The following HECW1 variants were observed in gnomAD, a reference collection of about 807,000 sequenced individuals.
The protein encoded by HECW1 is E3 ubiquitin-protein ligase HECW1.
A neutral mutation model predicts 182.3 loss-of-function variants in HECW1; 61 were observed. The observed-to-expected ratio is 0.33, with a 90% CI of 0.27 to 0.41. HECW1 has a LOEUF of 0.41. HECW1 is among the 10% of genes least tolerant of loss of function. The pLI, the probability that HECW1 is intolerant of heterozygous loss-of-function variation, is 1.00. For missense variants in HECW1, 1,739 were observed against 2,108.9 expected (o/e 0.82, Z 3.44); for synonymous variants, 859 against 832.6 (o/e 1.03, Z -0.55).
At chr7:43,117,049 T>C (rs1785110261) in intron 2 of HECW1, among the ~76,000 whole-genome samples, 2 of 152,242 alleles carry the variant, frequency 1.3e-5, no homozygotes, top group Non-Finnish European at 2.9e-5. Context: ...AACTATTCTT[T>C]ATACATTTCT....
chr7:43,360,822 G>A, intron 5 of HECW1, 64 bp from the exon 6 acceptor site: 5 of 1,179,556 alleles, frequency 4.2e-6, no homozygotes, highest in Non-Finnish European at 6.4e-6. Flanking sequence ...GTCCTCTGTG[G>A]CCATAGCTGT....
chr7:43,273,802 G>T (rs1222217540), intron 3 of HECW1, among the ~76,000 whole-genome samples: 1 of 151,534 alleles, frequency 6.6e-6, no homozygotes, highest in African/African-American at 2.4e-5. Flanking sequence ...TTACAACAAC[G>T]GTGGATAATT....
At chr7:43,428,826 A>G (rs2076440972) in intron 8 of HECW1, among the ~76,000 whole-genome samples, 2 of 152,178 alleles carry the variant, frequency 1.3e-5, no homozygotes, top group South Asian at 4.1e-4. Context: ...CAGTCTGTTC[A>G]TCCAATCCTA....
chr7:43,251,396 G>A (rs993247463), intron 3 of HECW1, among the ~76,000 whole-genome samples: 5 of 152,020 alleles, frequency 3.3e-5, no homozygotes, highest in Admixed American at 2.0e-4. Flanking sequence ...TGCAACTTCC[G>A]CCTCCCAGGT....
intron 6 of HECW1, among the ~76,000 whole-genome samples, chr7:43,375,210 C>T (rs139840356): frequency 5.9e-5 from 9 of 152,044 alleles, no homozygotes; most frequent in East Asian, 1.9e-4. Flanking sequence ...AACTGTCGGA[C>T]GCCTGGAAAA....
chr7:43,470,450 G>A (rs950350982), intron 16 of HECW1, among the ~76,000 whole-genome samples: 6 of 152,198 alleles, frequency 3.9e-5, no homozygotes, highest in African/African-American at 1.2e-4. Flanking sequence ...ATGACAGGGA[G>A]CACAGTGGAA....
intron 8 of HECW1, among the ~76,000 whole-genome samples, chr7:43,408,966 C>A (rs967003343): frequency 6.6e-6 from 1 of 152,192 alleles, no homozygotes; most frequent in African/African-American, 2.4e-5. Flanking sequence ...TTGATGGAAA[C>A]GTGCTCCCAC....
At chr7:43,547,440 G>A (rs755237981) in intron 26 of HECW1, among the ~76,000 whole-genome samples, 18 of 151,972 alleles carry the variant, frequency 1.2e-4, no homozygotes, top group African/African-American at 1.7e-4. Flanking sequence ...TCAGCTACTC[G>A]GGAGGCTGAG....
At chr7:43,380,421 A>G (rs1297298616) in intron 6 of HECW1, among the ~76,000 whole-genome samples, 1 of 151,980 alleles carries the variant, frequency 6.6e-6, no homozygotes, top group African/African-American at 2.4e-5. Context: ...ATCGTGCTGT[A>G]GTTTTTCATT....
At chr7:43,430,976 T>C (rs2076531503) in intron 8 of HECW1, among the ~76,000 whole-genome samples, 1 of 151,926 alleles carries the variant, frequency 6.6e-6, no homozygotes, top group Non-Finnish European at 1.5e-5. Context: ...GAGAGGGGGT[T>C]TTCCCATGTT....
chr7:43,306,656 C>A (rs1417472217), intron 3 of HECW1, among the ~76,000 whole-genome samples: 1 of 152,012 alleles, frequency 6.6e-6, no homozygotes, highest in South Asian at 2.1e-4. Context: ...TATAGACATG[C>A]CTTTGTCTGC....
chr7:43,560,173 G>A (rs1585308473), intron 29 of HECW1, among the ~76,000 whole-genome samples: 1 of 152,178 alleles, frequency 6.6e-6, no homozygotes, highest in South Asian at 2.1e-4. Flanking sequence ...ATAGCCCAAT[G>A]TATGTTCTAG....
intron 3 of HECW1, among the ~76,000 whole-genome samples, chr7:43,302,464 G>C (rs1473876843): frequency 6.6e-6 from 1 of 152,222 alleles, no homozygotes; most frequent in Non-Finnish European, 1.5e-5. Flanking sequence ...GGCTTTTGGA[G>C]ACTGGACTGT....
intron 7 of HECW1, among the ~76,000 whole-genome samples, chr7:43,402,777 T>C (rs1049317552): frequency 6.6e-6 from 1 of 152,234 alleles, no homozygotes; most frequent in Non-Finnish European, 1.5e-5. Context: ...AAAGCAAGAT[T>C]GCTCATGCAA....
intron 5 of HECW1, among the ~76,000 whole-genome samples, chr7:43,350,632 T>C (rs2152805872): frequency 6.6e-6 from 1 of 152,356 alleles, no homozygotes; most frequent in East Asian, 1.9e-4. Flanking sequence ...TGAATTTCTT[T>C]CTTCTACTTG....
At chr7:43,480,637 GTACATA>G (rs1243636139) in intron 17 of HECW1, among the ~76,000 whole-genome samples, 12 of 150,708 alleles carry the variant, frequency 8.0e-5, no homozygotes, top group Non-Finnish European at 2.9e-5. Context: ...GTGTGTGTGT[GTACATA>G]TGTGTGTGTG....
At chr7:43,149,024 A>G (rs1048578017) in intron 2 of HECW1, among the ~76,000 whole-genome samples, 2 of 152,190 alleles carry the variant, frequency 1.3e-5, no homozygotes, top group Admixed American at 6.5e-5. Context: ...TTAAGGAAAT[A>G]CAAAATTACC....
At chr7:43,472,475 C>G (rs553517116) in intron 16 of HECW1, among the ~76,000 whole-genome samples, 23 of 152,104 alleles carry the variant, frequency 1.5e-4, no homozygotes, top group Non-Finnish European at 2.5e-4. Context: ...AGAATCGTGC[C>G]TAGTATATAG....
chr7:43,561,088 G>A (rs148476564), intron 29 of HECW1, among the ~76,000 whole-genome samples: 371 of 152,342 alleles, frequency 2.4e-3, no homozygotes, highest in African/African-American at 8.8e-3. Context: ...TGTACCCACT[G>A]CTGGAGAGCC....
Sources: gnomAD v4.1 joint callset for allele counts (sites outside exome capture counted in the v4.1 genomes callset) on GRCh38, gnomAD v4.1.1 for gene constraint, MANE v1.5 for transcripts, NCBI Gene and HGNC (gene_info 2026-07-23, HGNC 2026-07-21) for gene names.